Variants in SYNE1 observed in about 807,000 individuals in gnomAD.
The protein encoded by SYNE1 is spectrin repeat containing nuclear envelope protein 1.
In SYNE1, 616 loss-of-function variants were observed where a neutral mutation model predicts 1,111.0. The observed-to-expected ratio is 0.55, with a 90% confidence interval of 0.52 to 0.59. SYNE1 has a LOEUF of 0.59. Among genes scored for constraint, SYNE1 ranks in the 20% least tolerant of loss-of-function variants. The pLI is 0.00. For synonymous variants in SYNE1, 3,855 were observed against 3,825.8 expected (o/e 1.01, Z -0.28); for missense variants, 10,006 against 10,417.0 (o/e 0.96, Z 1.72).
chr6:152,301,802 G>A, intron 92 of SYNE1, 67 bp downstream of exon 92: 1 of 1,495,826 alleles, frequency 6.7e-7, no homozygotes, highest in Non-Finnish European at 9.0e-7. Context: ...CCACGGAGAG[G>A]GAACATGGAG....
At chr6:152,373,995 T>C (rs1431853860) in intron 58 of SYNE1, among the ~76,000 whole-genome samples, 2 of 152,186 alleles carry the variant, frequency 1.3e-5, no homozygotes, top group Admixed American at 6.5e-5. Context: ...AGAAGCACAA[T>C]TCTCCCTAGG....
intron 87 of SYNE1, among the ~76,000 whole-genome samples, chr6:152,313,642 T>C (rs1361974680): frequency 6.6e-6 from 1 of 152,072 alleles, no homozygotes; most frequent in Non-Finnish European, 1.5e-5. Context: ...TTTGTATTTT[T>C]AGTAGAGAAT....
chr6:152,586,212 T>C (rs1369306360), intron 3 of SYNE1, among the ~76,000 whole-genome samples: 1 of 152,192 alleles, frequency 6.6e-6, no homozygotes, highest in Admixed American at 6.5e-5. Flanking sequence ...TTTTCTGAAT[T>C]AATATAATTA....
At chr6:152,370,055 A>G (rs868614272) in intron 59 of SYNE1, among the ~76,000 whole-genome samples, 2 of 150,918 alleles carry the variant, frequency 1.3e-5, no homozygotes, top group East Asian at 3.9e-4. Flanking sequence ...GAAACACTCC[A>G]TCTTTTACCT....
intron 74 of SYNE1, among the ~76,000 whole-genome samples, chr6:152,343,759 G>A (rs2096581504): frequency 6.6e-6 from 1 of 151,780 alleles, no homozygotes; most frequent in South Asian, 2.1e-4. Context: ...GTAGAGATGG[G>A]GTTTCACCAT....
chr6:152,148,046 T>C lies in SYNE1; in HGVS notation c.24975A>G (p.Ser8325=), dbSNP rs1420188363. ...DFYLRGAVGL[S]GDHSALESQI... ...CAAACTGGAGAGGCTCTTTCCTACC[T>C]GATAAGCCAACAGCTCCCCGGAGGT... The change falls in exon 137 of 146, where the codon TCA becomes TCG. Residue 8325 remains serine (S), a splice_region_variant and synonymous_variant. Coordinates refer to ENST00000367255, the MANE Select transcript of SYNE1 (RefSeq NM_182961.4). The surrounding 1 kb of genome is among the most constrained non-coding windows in gnomAD (Gnocchi z 4.1). The C allele has an allele frequency of 1.9e-6, 3 of 1,613,762 alleles. No individual in the cohort carries two copies. Among genetic ancestry groups the C allele is most frequent in the Admixed American group, 1.7e-5 (1 of 60,022 alleles).
rs1030120260 is a variant in SYNE1 at position 152,589,665 on chromosome 6, C to T, written c.67+38600G>A. ...AAGAATCACATGTGCATGTGACCAG[C>T]CCTAAGGGACTCCCCTTTAGAGAGG... On this transcript the variant is annotated intron_variant, in intron 3 of 145. Transcript: ENST00000367255. Among the ~76,000 whole-genome samples the T allele has an allele frequency of 5.3e-5, 8 of 152,092 alleles. No individual in the cohort carries two copies. In the South Asian group the frequency reaches 6.2e-4, roughly 12 times the overall value.
chr6:152,293,690 G>C lies in SYNE1; in HGVS notation c.17910C>G (p.Asp5970Glu). 6.2e-7 allele frequency: 1 copy of C among 1,614,140 alleles called. No individual in the cohort carries two copies. Among genetic ancestry groups the C allele is most frequent in the Non-Finnish European group, 8.5e-7 (1 of 1,180,010 alleles). The change falls in exon 95 of 146, where the codon GAC (aspartate) becomes GAG (glutamate). Residue 5970 changes from aspartate (D) to glutamate (E), a missense_variant. Coordinates refer to ENST00000367255, the MANE Select transcript of SYNE1 (RefSeq NM_182961.4). ...TCTTCGTAGAGATGGACTGGAGGGA[G>C]TCCTGGTACTTCTGCTGGCGTTCCA... ...EALERQQKYQ[D>E]SLQSISTKME...
intron 14 of SYNE1, among the ~76,000 whole-genome samples, chr6:152,473,385 T>C (rs1223706173): frequency 6.6e-6 from 1 of 152,188 alleles, no homozygotes; most frequent in Non-Finnish European, 1.5e-5. Context: ...CAGCCTAAAA[T>C]CAAGAGACAC....
chr6:152,626,701 C>G (rs1405566471), intron 3 of SYNE1, among the ~76,000 whole-genome samples: 2 of 152,198 alleles, frequency 1.3e-5, no homozygotes, highest in Non-Finnish European at 2.9e-5. Context: ...ACCACTCACA[C>G]TGAAGCATCA....
chr6:152,628,216 T>A (rs757927134), intron 3 of SYNE1, 49 bp downstream of exon 3: 1 of 1,590,024 alleles, frequency 6.3e-7, no homozygotes, highest in Non-Finnish European at 8.6e-7. Context: ...TGATTGTGGG[T>A]TAAGATGGTA....
chr6:152,537,296 A>T (rs1332029232), intron 4 of SYNE1, among the ~76,000 whole-genome samples: 1 of 152,170 alleles, frequency 6.6e-6, no homozygotes, highest in African/African-American at 2.4e-5. Context: ...GATAATAAAC[A>T]TCAAAAAAGA....
intron 3 of SYNE1, among the ~76,000 whole-genome samples, chr6:152,574,652 T>C (rs1371163825): frequency 6.6e-6 from 1 of 152,206 alleles, no homozygotes; most frequent in African/African-American, 2.4e-5. Flanking sequence ...ACCGTAGTTG[T>C]TTCTCAACCA....
intron 140 of SYNE1, among the ~76,000 whole-genome samples, chr6:152,138,383 T>G (rs1392330069): frequency 6.6e-6 from 1 of 151,906 alleles, no homozygotes. Context: ...TGGTGGTGCA[T>G]GCCTGTAGTC....
chr6:152,499,907 A>G (rs931992877), intron 10 of SYNE1, among the ~76,000 whole-genome samples: 3 of 152,164 alleles, frequency 2.0e-5, no homozygotes, highest in Non-Finnish European at 4.4e-5. Context: ...GAAAATAATA[A>G]AGCTTCTTTA....
At chr6:152,125,495 A>C in intron 145 of SYNE1, 1 of 1,175,906 alleles carries the variant, frequency 8.5e-7, no homozygotes, top group East Asian at 2.6e-5. Context: ...GCAATGATTC[A>C]ATGGTTTGCC....
At chr6:152,335,019 C>A (rs894674220) in intron 76 of SYNE1, among the ~76,000 whole-genome samples, 2 of 152,196 alleles carry the variant, frequency 1.3e-5, no homozygotes, top group Admixed American at 6.5e-5. Context: ...GGTTTAGATT[C>A]ATCTACTCCC....
Position 152,387,244 on chromosome 6 carries a change from A to C in SYNE1, c.8315T>G (p.Leu2772Arg). Residue 2772 changes from leucine (L) to arginine (R), a missense_variant, in exon 54 of 146, where the codon CTG (leucine) becomes CGG (arginine). By Grantham distance (102) the Leu-to-Arg change is moderately radical. Transcript: ENST00000367255. ...CAGGATGGACTGGAGGTGGTCAAGC[A>C]GGACGAACTTCTCTTTCAGACCTGG... ...PQPGLKEKFV[L>R]LDHLQSILSE... 6.2e-7 allele frequency: 1 copy of C among 1,614,192 alleles called. No individual in the cohort carries two copies. Among genetic ancestry groups the C allele is most frequent in the Non-Finnish European group, 8.5e-7 (1 of 1,180,022 alleles).
At chr6:152,636,342 A>T (rs1239962583) in intron 2 of SYNE1, among the ~76,000 whole-genome samples, 2 of 152,118 alleles carry the variant, frequency 1.3e-5, no homozygotes, top group Non-Finnish European at 2.9e-5. Flanking sequence ...CTTCTGCACC[A>T]TTGGAGCCCA....
Sources: gnomAD v4.1 joint callset for allele counts (sites outside exome capture counted in the v4.1 genomes callset) on GRCh38, gnomAD v4.1.1 for gene constraint, Gnocchi (gnomAD v3.1) non-coding constraint, MANE v1.5 for transcripts, NCBI Gene and HGNC (gene_info 2026-07-23, HGNC 2026-07-21) for gene names.